The following NAV2 variants were observed in gnomAD, a reference collection of about 807,000 sequenced individuals.
The protein encoded by NAV2 is helicase, APC down-regulated 1.
A neutral mutation model predicts 223.2 loss-of-function variants in NAV2; 54 were observed. That is an observed-to-expected ratio of 0.24 (90% CI 0.19 to 0.30). The LOEUF is 0.30. Among genes scored for constraint, NAV2 ranks in the 10% least tolerant of loss-of-function variants. NAV2 has a pLI of 1.00. For missense variants in NAV2, 2,806 were observed against 3,147.5 expected (o/e 0.89, Z 2.60); for synonymous variants, 1,279 against 1,239.3 (o/e 1.03, Z -0.67).
chr11:19,546,602 A>G (rs1838172014), intron 1 of NAV2, among the ~76,000 whole-genome samples: 2 of 152,204 alleles, frequency 1.3e-5, no homozygotes, highest in South Asian at 2.1e-4. Context: ...CTGATGTCCA[A>G]ACTCCACTGT....
chr11:19,944,640 CTCTTTTCTTTCCTTTCCTTTT>C (rs1565613161), intron 8 of NAV2, among the ~76,000 whole-genome samples: 1 of 142,534 alleles, frequency 7.0e-6, no homozygotes, highest in African/African-American at 2.7e-5. Flanking sequence ...CTTTCCTTTT[CTCTTTTCTTTCCTTTCCTTTT>C]CTTTTCTCTT....
chr11:19,512,364 A>T (rs1565001377), intron 1 of NAV2, among the ~76,000 whole-genome samples: 1 of 152,208 alleles, frequency 6.6e-6, no homozygotes, highest in East Asian at 1.9e-4. Context: ...AGAGACTAAA[A>T]CTGGCCTCCA....
At chr11:19,729,531 C>G (rs16937159) in intron 1 of NAV2, among the ~76,000 whole-genome samples, 13,467 of 152,236 alleles carry the variant, frequency 0.088, 641 homozygotes, top group Non-Finnish European at 0.098. Flanking sequence ...TTTAAGTTGC[C>G]TAACTGTGCC....
At chr11:20,050,987 G>A (rs980795379) in intron 16 of NAV2, among the ~76,000 whole-genome samples, 8 of 152,220 alleles carry the variant, frequency 5.3e-5, no homozygotes, top group African/African-American at 1.9e-4. Flanking sequence ...GCTTTGAGGT[G>A]GAGCAACCCC....
intron 1 of NAV2, among the ~76,000 whole-genome samples, chr11:19,531,755 G>A (rs2044033524): frequency 6.6e-6 from 1 of 152,182 alleles, no homozygotes; most frequent in African/African-American, 2.4e-5. Context: ...GTGTGTTCTA[G>A]GGGTAAATAT....
chr11:19,348,396 G>T (rs1444073837), upstream of NAV2, among the ~76,000 whole-genome samples: 2 of 151,774 alleles, frequency 1.3e-5, no homozygotes, highest in Non-Finnish European at 2.9e-5. Flanking sequence ...AACTCAGCCT[G>T]CTTGGGAAAA....
chr11:19,691,923 C>T (rs573898265), intron 1 of NAV2, among the ~76,000 whole-genome samples: 2 of 152,220 alleles, frequency 1.3e-5, no homozygotes, highest in African/African-American at 4.8e-5. Flanking sequence ...TGTGTTCTGC[C>T]TTCAATTAGG....
intron 19 of NAV2, 103 bp from the exon 20 acceptor site, chr11:20,062,204 C>T: frequency 1.4e-6 from 1 of 736,626 alleles, no homozygotes; most frequent in Non-Finnish European, 2.2e-6. Context: ...TTAAGTCATT[C>T]CAAGCCTGGA....
At chr11:20,019,718 AG>A (rs1221642456) in intron 11 of NAV2, among the ~76,000 whole-genome samples, 1 of 152,068 alleles carries the variant, frequency 6.6e-6, no homozygotes, top group Non-Finnish European at 1.5e-5. Context: ...GGTAGGAACC[AG>A]GTACAGATGA....
intron 1 of NAV2, among the ~76,000 whole-genome samples, chr11:19,460,033 G>A (rs1852098868): frequency 1.3e-5 from 2 of 152,158 alleles, no homozygotes. Flanking sequence ...GTGTATCTCT[G>A]GGCAAGATAC....
intron 1 of NAV2, among the ~76,000 whole-genome samples, chr11:19,529,940 C>A (rs1053689883): frequency 6.6e-6 from 1 of 152,232 alleles, no homozygotes; most frequent in African/African-American, 2.4e-5. Context: ...TTGACCTCCT[C>A]CTCTAGGGGT....
At chr11:19,367,079 G>A (rs1346626323) in intron 1 of NAV2, among the ~76,000 whole-genome samples, 3 of 152,172 alleles carry the variant, frequency 2.0e-5, no homozygotes, top group Non-Finnish European at 4.4e-5. Context: ...AAGGGTGGGA[G>A]AACCAGCACC....
intron 1 of NAV2, among the ~76,000 whole-genome samples, chr11:19,368,084 G>T (rs1564881930): frequency 6.6e-6 from 1 of 152,184 alleles, no homozygotes; most frequent in Non-Finnish European, 1.5e-5. Context: ...GCATCAACAA[G>T]TACTCTGATG....
chr11:19,629,883 G>T (rs1018612425), intron 1 of NAV2, among the ~76,000 whole-genome samples: 5 of 152,210 alleles, frequency 3.3e-5, no homozygotes, highest in South Asian at 2.1e-4. Context: ...TAAGTCCTCC[G>T]TTCCCAAAGT....
intron 37 of NAV2, among the ~76,000 whole-genome samples, chr11:20,115,631 CAAAAAAAAAAAAAA>C (rs386373266): frequency 2.1e-5 from 1 of 47,864 alleles, no homozygotes; most frequent in African/African-American, 8.0e-5. Flanking sequence ...GACTCCGTCT[CAAAAAAAAAAAAAA>C]AAAAAAAAAA....
At chr11:19,654,891 G>T (rs1462266416) in intron 1 of NAV2, among the ~76,000 whole-genome samples, 2 of 152,164 alleles carry the variant, frequency 1.3e-5, no homozygotes, top group African/African-American at 4.8e-5. Context: ...ATTGATAAAT[G>T]GGATCTAATT....
chr11:20,048,398 T>A (rs1214019430), intron 14 of NAV2, among the ~76,000 whole-genome samples: 1 of 152,204 alleles, frequency 6.6e-6, no homozygotes, highest in Non-Finnish European at 1.5e-5. Flanking sequence ...TTCTAGTTAG[T>A]CTATCTATTG....
chr11:19,623,091 C>T (rs999608920), intron 1 of NAV2, among the ~76,000 whole-genome samples: 2 of 152,138 alleles, frequency 1.3e-5, no homozygotes, highest in African/African-American at 2.4e-5. Context: ...TGAATATTGG[C>T]CCCCACTCTC....
intron 1 of NAV2, among the ~76,000 whole-genome samples, chr11:19,757,943 G>C (rs1440731355): frequency 6.6e-5 from 10 of 152,152 alleles, no homozygotes. Context: ...GCCTCTCTCA[G>C]TGTCATCATT....
Sources: allele counts gnomAD v4.1 joint callset (sites outside exome capture counted in the v4.1 genomes callset), GRCh38; gene constraint gnomAD v4.1.1; transcripts MANE v1.5; gene names NCBI Gene and HGNC (gene_info 2026-07-23, HGNC 2026-07-21).